KLHDC1: variants seen among roughly 807,000 people sequenced by gnomAD.
The protein encoded by KLHDC1 is kelch domain-containing protein 1.
In KLHDC1, 53 loss-of-function variants were observed where a neutral mutation model predicts 68.3. The observed-to-expected ratio is 0.78, with a 90% CI of 0.62 to 0.98. The LOEUF (loss-of-function observed/expected upper bound fraction) is 0.98. Among genes scored for constraint, KLHDC1 ranks in the 50% least tolerant of loss-of-function variants. The pLI is 0.00. For missense variants in KLHDC1, 470 were observed against 492.3 expected (o/e 0.95, Z 0.43); for synonymous variants, 148 against 159.0 (o/e 0.93, Z 0.52).
chr14:49,734,119 AT>A (rs1485244189), intron 9 of KLHDC1, among the ~76,000 whole-genome samples: 2 of 152,164 alleles, frequency 1.3e-5, no homozygotes, highest in African/African-American at 4.8e-5. Flanking sequence ...GGGAAATTAA[AT>A]GTCCTAACTC....
intron 4 of KLHDC1, among the ~76,000 whole-genome samples, chr14:49,719,594 A>T (rs1888474546): frequency 6.6e-6 from 1 of 151,300 alleles, no homozygotes; most frequent in South Asian, 2.1e-4. Context: ...ATGCTCGGCT[A>T]ATTTATTTTT....
At chr14:49,717,396 T>G (rs1594663054) in intron 4 of KLHDC1, among the ~76,000 whole-genome samples, 3 of 152,098 alleles carry the variant, frequency 2.0e-5, no homozygotes, top group Admixed American at 6.6e-5. Context: ...GTGTGTGTGT[T>G]TTTAATAATA....
intron 4 of KLHDC1, among the ~76,000 whole-genome samples, chr14:49,715,574 G>A (rs200989766): frequency 8.0e-5 from 12 of 150,038 alleles, no homozygotes; most frequent in African/African-American, 9.7e-5. Flanking sequence ...GTGAAACCCC[G>A]TCTCTACTAA....
chr14:49,747,137 AG>A lies in KLHDC1; in HGVS notation c.1034+3336del, dbSNP rs1309944269. ...AATTTTTTGTATTTTTAGTAGAGAC[AG>A]GGGTTTCACCATGTTAGCCAGGATG... On this transcript the variant is annotated intron_variant, in intron 12 of 12. Transcript: ENST00000359332. 3.9e-5 allele frequency among the ~76,000 whole-genome samples: 6 copies of A among 151,952 alleles called. No homozygotes were observed. In the South Asian group the frequency reaches 8.3e-4, roughly 21 times the overall value.
At chr14:49,696,310 T>C (rs905275463) in intron 1 of KLHDC1, among the ~76,000 whole-genome samples, 1 of 151,956 alleles carries the variant, frequency 6.6e-6, no homozygotes, top group African/African-American at 2.4e-5. Flanking sequence ...TAGCTGGGAT[T>C]ACAGGTGCGT....
intron 8 of KLHDC1, among the ~76,000 whole-genome samples, chr14:49,731,403 A>G (rs1256804630): frequency 1.3e-5 from 2 of 152,228 alleles, no homozygotes; most frequent in Non-Finnish European, 2.9e-5. Context: ...CTGTGGAAGA[A>G]TGGTATCTTC....
chr14:49,699,468 A>C (rs1280058968), intron 1 of KLHDC1, among the ~76,000 whole-genome samples: 1 of 152,062 alleles, frequency 6.6e-6, no homozygotes, highest in Non-Finnish European at 1.5e-5. Flanking sequence ...AAAAAGTAGA[A>C]TTCTTCTAAC....
chr14:49,719,521 C>T (rs374274833), intron 4 of KLHDC1, among the ~76,000 whole-genome samples: 12 of 151,378 alleles, frequency 7.9e-5, no homozygotes, highest in African/African-American at 1.2e-4. Context: ...CTCTTCCTCC[C>T]GGGTTCAAGT....
intron 11 of KLHDC1, 124 bp downstream of exon 11, chr14:49,740,306 G>C (rs1889029407): frequency 1.7e-6 from 1 of 596,980 alleles, no homozygotes; most frequent in Non-Finnish European, 3.0e-6. Context: ...ATGTTACTCT[G>C]TGGTTTAATT....
intron 1 of KLHDC1, among the ~76,000 whole-genome samples, 154 bp downstream of exon 1, chr14:49,693,444 C>A (rs181763463): frequency 2.0e-5 from 3 of 151,864 alleles, no homozygotes; most frequent in Non-Finnish European, 4.4e-5. Context: ...CCGCCGCCCC[C>A]ACAGCCGCGC....
chr14:49,693,568 C>T (rs527970835), intron 1 of KLHDC1, among the ~76,000 whole-genome samples: 2 of 151,834 alleles, frequency 1.3e-5, no homozygotes, highest in South Asian at 2.1e-4. Flanking sequence ...CACGGTTTGC[C>T]CAATGCAAAG....
At chr14:49,694,868 A>G (rs1237770637) in intron 1 of KLHDC1, among the ~76,000 whole-genome samples, 1 of 152,182 alleles carries the variant, frequency 6.6e-6, no homozygotes, top group Non-Finnish European at 1.5e-5. Flanking sequence ...CAAAAAAACA[A>G]AAAACTGTAC....
intron 11 of KLHDC1, 35 bp from the exon 12 acceptor site, chr14:49,743,718 C>G (rs1484420032): frequency 2.3e-6 from 3 of 1,330,350 alleles, no homozygotes; most frequent in Non-Finnish European, 2.1e-6. Flanking sequence ...TTATTTTTAT[C>G]AAAAACTTAA....
intron 12 of KLHDC1, 121 bp from the exon 13 acceptor site, chr14:49,751,464 TA>T (rs1264308633): frequency 2.1e-6 from 1 of 474,098 alleles, no homozygotes; most frequent in Non-Finnish European, 3.5e-6. Context: ...AATTAAAAAT[TA>T]AAAAAAGATC....
chr14:49,721,376 T>A (rs921786013), intron 4 of KLHDC1, among the ~76,000 whole-genome samples: 64 of 152,014 alleles, frequency 4.2e-4, no homozygotes, highest in African/African-American at 1.5e-3. Context: ...TGGAGACAGG[T>A]CTCCTTATGT....
intron 10 of KLHDC1, among the ~76,000 whole-genome samples, chr14:49,737,243 C>G (rs959754109): frequency 1.3e-5 from 2 of 152,146 alleles, no homozygotes; most frequent in Non-Finnish European, 2.9e-5. Context: ...AGATTTATAT[C>G]AATGTATCTT....
intron 1 of KLHDC1, among the ~76,000 whole-genome samples, chr14:49,694,573 G>T (rs1439844209): frequency 2.0e-5 from 3 of 152,152 alleles, no homozygotes; most frequent in African/African-American, 7.2e-5. Context: ...TACATACCTG[G>T]CTGGGCGCGG....
chr14:49,694,746 C>G (rs1275170328), intron 1 of KLHDC1, among the ~76,000 whole-genome samples: 1 of 152,044 alleles, frequency 6.6e-6, no homozygotes, highest in East Asian at 1.9e-4. Flanking sequence ...CCCAGCTACT[C>G]GGGAGGCTGA....
rs757561901 is a variant in KLHDC1 at position 49,725,774 on chromosome 14, G to T, written c.567+5G>T. 3 of 1,481,064 alleles carry T rather than the reference G, an allele frequency of 2.0e-6. No individual in the cohort carries two copies. The highest frequency in any genetic ancestry group is 2.8e-5 in the African/African-American group (2 of 71,086). The allele number at this position is 1,481,064 out of a possible 1,614,324, so 91.7% of individuals were successfully genotyped here. A position where few individuals can be genotyped will look rare whatever the true frequency, so the allele number is the denominator to read the frequency against. The stretch of plus-strand genomic sequence containing the variant: ...TGGTTTCAACCAGAAATTAAAGTAA[G>T]TGTGGTAAAAAGTCATCTTTATATA... On this transcript the variant is annotated splice_donor_5th_base_variant and intron_variant, in intron 6 of 12. Transcript: ENST00000359332.
Sources: allele counts gnomAD v4.1 joint callset (sites outside exome capture counted in the v4.1 genomes callset), GRCh38; gene constraint gnomAD v4.1.1; transcripts MANE v1.5; gene names NCBI Gene and HGNC (gene_info 2026-07-23, HGNC 2026-07-21).